The following ACSL1 variants were observed in gnomAD, a reference collection of about 807,000 sequenced individuals.
The protein encoded by ACSL1 is acyl-CoA synthetase long chain family member 1, also known as long-chain-fatty-acid--CoA ligase 1.
ACSL1 carries 41 observed loss-of-function variants against 98.4 expected under a neutral mutation model. The observed-to-expected ratio is 0.42, with a 90% confidence interval of 0.32 to 0.54. The LOEUF is 0.54. Ranked by LOEUF, ACSL1 falls within the 20% of genes least tolerant of loss-of-function variation. The pLI is 0.13. For missense variants in ACSL1, 734 were observed against 883.1 expected (o/e 0.83, Z 2.14); for synonymous variants, 316 against 322.7 (o/e 0.98, Z 0.22).
chr4:184,821,124 G>A (rs1250932704), intron 1 of ACSL1: 1 of 456,250 alleles, frequency 2.2e-6, no homozygotes, highest in East Asian at 6.9e-5. Context: ...GCAGCACCTG[G>A]CTCTGTCTGC....
chr4:184,801,208 C>G (rs944556685), intron 2 of ACSL1, among the ~76,000 whole-genome samples: 2 of 152,182 alleles, frequency 1.3e-5, no homozygotes, highest in Non-Finnish European at 2.9e-5. Flanking sequence ...TACAAAGAAC[C>G]TCTGTGCTAC....
At chr4:184,785,223 C>G (rs977191744) in intron 3 of ACSL1, among the ~76,000 whole-genome samples, 2 of 152,172 alleles carry the variant, frequency 1.3e-5, no homozygotes, top group Non-Finnish European at 2.9e-5. Context: ...AGCTCCAGCT[C>G]CAGAACTAGC....
At chr4:184,797,170 CG>C (rs1023041296) in intron 2 of ACSL1, among the ~76,000 whole-genome samples, 1 of 152,192 alleles carries the variant, frequency 6.6e-6, no homozygotes, top group African/African-American at 2.4e-5. Context: ...CCGCTCACAG[CG>C]GGCCCCAGCC....
rs553782524 is a variant in ACSL1 at position 184,791,668 on chromosome 4, A to G, written c.196-2937T>C. 7.2e-5 allele frequency among the ~76,000 whole-genome samples: 11 copies of G among 152,304 alleles called. No individual in the cohort carries two copies. In the South Asian group the frequency reaches 2.3e-3, roughly 32 times the overall value. On this transcript the variant is annotated intron_variant, in intron 2 of 20. Transcript: ENST00000281455. Reference sequence around the variant, plus strand: ...AAAGAAATCTACAAGAAGCGTAAGCAGTGTGTGGAACAGGAGGGAGGGAAG... The same window carrying G: ...AAAGAAATCTACAAGAAGCGTAAGCGGTGTGTGGAACAGGAGGGAGGGAAG...
intron 1 of ACSL1, among the ~76,000 whole-genome samples, chr4:184,811,232 C>G (rs182137832): frequency 0.013 from 2,040 of 152,180 alleles, 23 homozygotes; most frequent in Non-Finnish European, 0.022. Flanking sequence ...CCTCAGCCTC[C>G]GGAGTAGCTG....
intron 4 of ACSL1, among the ~76,000 whole-genome samples, chr4:184,782,264 T>TAAAAA (rs33965361): frequency 1.4e-5 from 2 of 143,218 alleles, no homozygotes; most frequent in Non-Finnish European, 3.0e-5. Flanking sequence ...CATACATTCT[T>TAAAAA]AAAAAAAAAA....
At chr4:184,777,122 C>T in intron 5 of ACSL1, 139 bp from the exon 6 acceptor site, 1 of 724,644 alleles carries the variant, frequency 1.4e-6, no homozygotes, top group South Asian at 1.8e-5. Flanking sequence ...CTACTCTGTG[C>T]CAGGTGCTAT....
At chr4:184,815,930 G>A (rs553309145) in intron 1 of ACSL1, among the ~76,000 whole-genome samples, 70 of 152,178 alleles carry the variant, frequency 4.6e-4, no homozygotes, top group African/African-American at 1.6e-3. Flanking sequence ...AGCCCAGCCT[G>A]GCCAACATGG....
intron 2 of ACSL1, among the ~76,000 whole-genome samples, chr4:184,799,912 A>G (rs1009557153): frequency 6.6e-6 from 1 of 152,106 alleles, no homozygotes; most frequent in Non-Finnish European, 1.5e-5. Context: ...CTGACTCTTC[A>G]TATTGATCTG....
chr4:184,771,795 A>C (rs1764550948), intron 10 of ACSL1, among the ~76,000 whole-genome samples: 1 of 152,126 alleles, frequency 6.6e-6, no homozygotes, highest in Non-Finnish European at 1.5e-5. Context: ...CTTAATAATA[A>C]TGTGACAATG....
Position 184,773,070 on chromosome 4 carries a change from C to T in ACSL1, c.915+11G>A. On this transcript the variant is annotated intron_variant, in intron 10 of 20. Coordinates refer to ENST00000281455, the MANE Select transcript of ACSL1 (RefSeq NM_001995.5). The surrounding 1 kb of genome is among the most constrained non-coding windows in gnomAD (Gnocchi z 4.3). ...TCAATGAGGAAAGATGACGACATCC[C>T]AAAAAGTTACCTCTGTTGCTTTCAC... 2 of 1,612,418 alleles carry T rather than the reference C, an allele frequency of 1.2e-6. No homozygotes were observed.
intron 1 of ACSL1, among the ~76,000 whole-genome samples, chr4:184,812,641 C>T (rs1772236156): frequency 6.6e-6 from 1 of 152,168 alleles, no homozygotes; most frequent in Admixed American, 6.6e-5. Context: ...CCCAAGACTG[C>T]CATCAACTCT....
At chr4:184,768,558 A>G in intron 11 of ACSL1, 108 bp from the exon 12 acceptor site, 1 of 1,468,420 alleles carries the variant, frequency 6.8e-7, no homozygotes, top group Non-Finnish European at 9.1e-7. Flanking sequence ...CAGTTTCCAG[A>G]AATCTTAAAT....
At chr4:184,814,038 C>G (rs552175907) in intron 1 of ACSL1, 29 of 370,716 alleles carry the variant, frequency 7.8e-5, no homozygotes, top group South Asian at 4.9e-4. Context: ...CGCCTGTAAT[C>G]CCAGCACTTA....
chr4:184,803,666 C>A lies in ACSL1; in HGVS notation c.-32-120G>T. ...CTGCTCGGCCAGTCCAGGCATTAAACCCACAATCTAATGATCCGGGGCTTT... is the reference window on the plus strand; with the variant it reads ...CTGCTCGGCCAGTCCAGGCATTAAAACCACAATCTAATGATCCGGGGCTTT... On this transcript the variant is annotated intron_variant, in intron 1 of 20. Coordinates refer to ENST00000281455, the MANE Select transcript of ACSL1 (RefSeq NM_001995.5). This position sits in a 1 kb window ranked among gnomAD's most constrained non-coding sequence, Gnocchi z 4.8. The A allele has an allele frequency of 1.9e-6, 1 of 519,310 alleles. No individual in the cohort carries two copies. Among genetic ancestry groups the A allele is most frequent in the Non-Finnish European group, 3.1e-6 (1 of 325,464 alleles). 32.2% of individuals were successfully genotyped at this position (519,310 alleles called of 1,614,324 possible).
chr4:184,777,029 T>A, intron 5 of ACSL1, 46 bp from the exon 6 acceptor site: 2 of 1,521,582 alleles, frequency 1.3e-6, no homozygotes, highest in Non-Finnish European at 1.8e-6. Flanking sequence ...GATGTCATCA[T>A]GTAATCAATA....
chr4:184,766,013 G>C lies in ACSL1; in HGVS notation c.1264-27C>G, dbSNP rs1464109494. ...TTTCAGGGAGGGAGAGTGGGAGAAG[G>C]TGAGGGTTACACACCTGGAAGTCGG... On this transcript the variant is annotated intron_variant, in intron 13 of 20. Coordinates refer to ENST00000281455, the MANE Select transcript of ACSL1 (RefSeq NM_001995.5). This position sits in a 1 kb window ranked among gnomAD's most constrained non-coding sequence, Gnocchi z 4.8. 1 of 1,611,112 alleles carries C rather than the reference G, an allele frequency of 6.2e-7. No homozygotes were observed. The highest frequency in any genetic ancestry group is 8.5e-7 in the Non-Finnish European group (1 of 1,178,162).
chr4:184,764,452 C>T (rs981415567), intron 15 of ACSL1, among the ~76,000 whole-genome samples: 1 of 152,192 alleles, frequency 6.6e-6, no homozygotes, highest in Non-Finnish European at 1.5e-5. Flanking sequence ...GTAGTCCCAA[C>T]ACCTAGCACA....
Position 184,788,653 on chromosome 4 carries a change from A to C in ACSL1, c.274T>G (p.Leu92Val). Residue 92 changes from leucine (L) to valine (V), a missense_variant, in exon 3 of 21, where the codon TTA becomes GTA. Physicochemically the swap from Leu to Val is conservative, Grantham distance 32. Transcript: ENST00000281455. ...LVYFYDDVTT[L>V]YEGFQRGIQV... ...ATTCCCCTCTGGAAACCTTCGTATA[A>C]TGTTGTGACATCATCATAGAAATAC... 5 of 1,614,146 alleles carry C rather than the reference A, an allele frequency of 3.1e-6. No individual in the cohort carries two copies. The highest frequency in any genetic ancestry group is 4.2e-6 in the Non-Finnish European group (5 of 1,180,022).
Sources: gnomAD v4.1 joint callset for allele counts (sites outside exome capture counted in the v4.1 genomes callset) on GRCh38, gnomAD v4.1.1 for gene constraint, Gnocchi (gnomAD v3.1) non-coding constraint, MANE v1.5 for transcripts, NCBI Gene and HGNC (gene_info 2026-07-23, HGNC 2026-07-21) for gene names.